Variants in PAK5 observed in about 807,000 individuals in gnomAD.
The protein encoded by PAK5 is serine/threonine-protein kinase PAK 5.
A neutral mutation model predicts 65.9 loss-of-function variants in PAK5; 16 were observed. The observed-to-expected ratio is 0.24, with a 90% CI of 0.16 to 0.37. The LOEUF is 0.37. PAK5 is among the 10% of genes least tolerant of loss of function. The pLI is 1.00. For synonymous variants in PAK5, 371 were observed against 354.9 expected (o/e 1.05, Z -0.51); for missense variants, 785 against 903.9 (o/e 0.87, Z 1.69).
intron 2 of PAK5, among the ~76,000 whole-genome samples, chr20:9,644,757 T>C (rs2047111670): frequency 6.6e-6 from 1 of 152,166 alleles, no homozygotes; most frequent in Non-Finnish European, 1.5e-5. Flanking sequence ...GAGAGATGCA[T>C]GAGGGCAGAC....
At chr20:9,562,818 C>A in intron 6 of PAK5, 73 bp downstream of exon 6, 1 of 1,397,080 alleles carries the variant, frequency 7.2e-7, no homozygotes, top group South Asian at 1.2e-5. Flanking sequence ...ATGAAGAGTT[C>A]ATAGTCACTG....
At chr20:9,547,480 C>A (rs751094943) in intron 7 of PAK5, among the ~76,000 whole-genome samples, 5 of 152,154 alleles carry the variant, frequency 3.3e-5, no homozygotes, top group Non-Finnish European at 7.3e-5. Flanking sequence ...TTATTATCTC[C>A]ATTTTACAGA....
intron 2 of PAK5, among the ~76,000 whole-genome samples, chr20:9,660,578 A>G (rs117386418): frequency 0.031 from 4,788 of 152,180 alleles, 112 homozygotes; most frequent in Non-Finnish European, 0.042. Flanking sequence ...AAAGCAGAAA[A>G]GGGAATGGCG....
chr20:9,745,760 G>A (rs182506629), intron 1 of PAK5, among the ~76,000 whole-genome samples: 7 of 152,100 alleles, frequency 4.6e-5, no homozygotes, highest in Non-Finnish European at 1.0e-4. Flanking sequence ...CACATTTTAT[G>A]TAGTAACGTT....
At chr20:9,813,655 G>A (rs2049323618) in intron 1 of PAK5, among the ~76,000 whole-genome samples, 1 of 152,050 alleles carries the variant, frequency 6.6e-6, no homozygotes, top group African/African-American at 2.4e-5. Flanking sequence ...ATATAGCAAT[G>A]AGAATAAGTG....
chr20:9,553,495 C>T (rs2045461529), intron 7 of PAK5, among the ~76,000 whole-genome samples: 1 of 152,148 alleles, frequency 6.6e-6, no homozygotes, highest in Non-Finnish European at 1.5e-5. Context: ...CACATTCCCA[C>T]AGCCCCAAAA....
At chr20:9,596,584 T>C (rs955695573) in intron 3 of PAK5, among the ~76,000 whole-genome samples, 1 of 130,568 alleles carries the variant, frequency 7.7e-6, no homozygotes, top group Non-Finnish European at 1.5e-5. Context: ...TGCAGTGAGC[T>C]GAGATAGCAC....
rs2045312195 is a variant in PAK5, at chr20:9,544,378, A to G, written c.1860T>C (p.Tyr620=). The G allele has an allele frequency of 2.5e-6, 4 of 1,613,974 alleles. No individual in the cohort carries two copies. The highest frequency in any genetic ancestry group is 2.5e-6 in the Non-Finnish European group (3 of 1,179,940). The change falls in exon 8 of 10, where the codon TAT becomes TAC. Residue 620 remains tyrosine, a synonymous_variant. Transcript: ENST00000353224. ...ACTGTGACCCCCTTACCTCTGTCCC[A>G]TAAGGTAGCCTAGAAATCACCTCAG... is the stretch of plus-strand genomic sequence containing the variant. ...MAPEVISRLP[Y]GTEVDIWSLG...
intron 1 of PAK5, among the ~76,000 whole-genome samples, chr20:9,751,904 T>G (rs949832252): frequency 2.0e-5 from 3 of 152,168 alleles, no homozygotes; most frequent in Admixed American, 2.0e-4. Flanking sequence ...TCAACAAACA[T>G]TTACTTAGCA....
At chr20:9,638,727 G>A (rs930385829) in intron 3 of PAK5, among the ~76,000 whole-genome samples, 13 of 152,182 alleles carry the variant, frequency 8.5e-5, no homozygotes, top group Non-Finnish European at 2.9e-5. Flanking sequence ...ACACAGAGGA[G>A]AGGTGTGTCC....
rs139133385 is a variant in PAK5, at chr20:9,580,245, A to C, written c.890T>G (p.Met297Arg). 115 of 1,614,140 alleles carry C rather than the reference A, an allele frequency of 7.1e-5. No homozygotes were observed. In the African/African-American group the frequency reaches 1.2e-3, roughly 17 times the overall value. The change falls in exon 4 of 10, where the codon ATG becomes AGG. Residue 297 changes from methionine (M) to arginine (R), a missense_variant. Around this residue, in one of 4 missense-constraint regions of PAK5, gnomAD observed 422 missense variants for 413.3 expected, o/e 1.02. Coordinates refer to ENST00000353224, the MANE Select transcript of PAK5 (RefSeq NM_177990.4). ...TTTAAATGCACTTGCTCCAAATGGC[A>C]TCATCGGTTCCTGGAGTCCCGAGCC... Reference protein sequence around the residue: ...RSGSGLQEPMMPFGASAFKTH... With the variant: ...RSGSGLQEPMRPFGASAFKTH...
chr20:9,645,421 C>G (rs901536611), intron 2 of PAK5, among the ~76,000 whole-genome samples: 1 of 152,192 alleles, frequency 6.6e-6, no homozygotes, highest in South Asian at 2.1e-4. Flanking sequence ...TGCTTTTTTC[C>G]TCTCTGCATC....
At chr20:9,772,984 T>G (rs967509850) in intron 1 of PAK5, among the ~76,000 whole-genome samples, 8 of 152,212 alleles carry the variant, frequency 5.3e-5, no homozygotes, top group Non-Finnish European at 1.2e-4. Context: ...AGATCTGCTT[T>G]TGAGGAAACT....
At chr20:9,569,232 A>G (rs1295609521) in intron 4 of PAK5, among the ~76,000 whole-genome samples, 1 of 152,252 alleles carries the variant, frequency 6.6e-6, no homozygotes, top group Non-Finnish European at 1.5e-5. Context: ...TAGCTAATAC[A>G]TGGTGGAAAA....
intron 1 of PAK5, among the ~76,000 whole-genome samples, chr20:9,715,402 G>C (rs1289946444): frequency 2.6e-5 from 4 of 152,078 alleles, no homozygotes; most frequent in Non-Finnish European, 5.9e-5. Context: ...AACAACAGGT[G>C]CTGGAGAGGA....
intron 1 of PAK5, among the ~76,000 whole-genome samples, chr20:9,739,852 T>A (rs2048432484): frequency 6.6e-6 from 1 of 152,172 alleles, no homozygotes; most frequent in African/African-American, 2.4e-5. Flanking sequence ...CAATTTGGAA[T>A]CAGTTAAGAT....
intron 7 of PAK5, 66 bp downstream of exon 7, chr20:9,557,540 AAG>A: frequency 7.5e-7 from 1 of 1,334,246 alleles, no homozygotes; most frequent in Non-Finnish European, 1.0e-6. Context: ...GTGTTTCTAA[AAG>A]AGTTATGCCC....
chr20:9,631,871 T>C (rs1798570047), intron 3 of PAK5, among the ~76,000 whole-genome samples: 2 of 152,204 alleles, frequency 1.3e-5, no homozygotes, highest in African/African-American at 2.4e-5. Context: ...TTTAAAGTGA[T>C]AGATTTATCA....
rs553283021 is a variant in PAK5 at position 9,674,271 on chromosome 20, C to T, written c.-11-29932G>A. 6.0e-4 allele frequency among the ~76,000 whole-genome samples: 81 copies of T among 134,598 alleles called. No individual in the cohort carries two copies. The Middle Eastern group carries it at 0.016, about 26-fold the overall frequency. The allele number at this position is 134,598 out of a possible 152,430, so 88.3% of individuals were successfully genotyped here. ...CAATGACTCCTCACCCTTTTTTTTT[C>T]CTGAGCTAACCAAGAGAGTCTCTGA... On this transcript the variant is annotated intron_variant, in intron 2 of 9. Coordinates refer to ENST00000353224, the MANE Select transcript of PAK5 (RefSeq NM_177990.4).
Sources: allele counts gnomAD v4.1 joint callset (sites outside exome capture counted in the v4.1 genomes callset), GRCh38; gene constraint gnomAD v4.1.1; regional missense constraint gnomAD v4.1.1; transcripts MANE v1.5; gene names NCBI Gene and HGNC (gene_info 2026-07-23, HGNC 2026-07-21).